Variants in PRKCZ observed in about 807,000 individuals in gnomAD.
PRKCZ encodes protein kinase C zeta, also known as protein kinase C zeta type.
A neutral mutation model predicts 79.5 loss-of-function variants in PRKCZ; 33 were observed. The ratio of observed to expected loss-of-function variants is 0.41; its 90% CI spans 0.31 to 0.55. The LOEUF is 0.55. Ranked by LOEUF, PRKCZ falls within the 20% of genes least tolerant of loss-of-function variation. The pLI is 0.19. For missense variants in PRKCZ, 578 were observed against 813.5 expected (o/e 0.71, Z 3.52); for synonymous variants, 342 against 320.9 (o/e 1.07, Z -0.70).
chr1:2,057,554 A>G (rs969324077), intron 3 of PRKCZ, among the ~76,000 whole-genome samples: 7 of 152,238 alleles, frequency 4.6e-5, no homozygotes, highest in South Asian at 2.1e-4. Context: ...TTCGCCCTTT[A>G]TATCAATGAG....
rs1272180467 is a variant in PRKCZ at position 2,145,811 on chromosome 1, G to T, written c.553-216G>T. Among the ~76,000 whole-genome samples, 5 of 152,206 alleles carry T rather than the reference G, an allele frequency of 3.3e-5. 1 individual carries two copies. Among genetic ancestry groups the T allele is most frequent in the Non-Finnish European group, 7.3e-5 (5 of 68,034 alleles). ...CGCACCTGTAGTGCCCGCTGCTCTG[G>T]AAGCTGAGGCGGGAGGATTGCTCGA... On this transcript the variant is annotated intron_variant, in intron 6 of 17. Transcript: ENST00000378567.
chr1:2,163,033 C>G (rs1222162855), intron 10 of PRKCZ, among the ~76,000 whole-genome samples: 1 of 152,208 alleles, frequency 6.6e-6, no homozygotes. Context: ...GGCAGCATCA[C>G]CCACCTCAGC....
At chr1:2,159,711 G>A (rs774431428) in intron 10 of PRKCZ, among the ~76,000 whole-genome samples, 1 of 152,216 alleles carries the variant, frequency 6.6e-6, no homozygotes, top group Non-Finnish European at 1.5e-5. Context: ...GTGTCCAGAT[G>A]GAGAGAAACA....
intron 4 of PRKCZ, among the ~76,000 whole-genome samples, chr1:2,106,417 C>T (rs895766888): frequency 2.6e-5 from 4 of 151,746 alleles, no homozygotes; most frequent in South Asian, 2.1e-4. Flanking sequence ...CTCTAGTGGG[C>T]GAGGACCTCC....
chr1:2,052,369 G>T (rs926022966), intron 1 of PRKCZ, among the ~76,000 whole-genome samples: 7 of 151,778 alleles, frequency 4.6e-5, no homozygotes, highest in African/African-American at 1.5e-4. Flanking sequence ...GAGAGACCAG[G>T]CTCCCACCCC....
chr1:2,130,455 T>C (rs766884207), intron 4 of PRKCZ, among the ~76,000 whole-genome samples: 15 of 152,158 alleles, frequency 9.9e-5, no homozygotes, highest in Non-Finnish European at 1.8e-4. Flanking sequence ...ATGGGAAACA[T>C]GATGCCTGCC....
rs989807068 is a variant in PRKCZ, at chr1:2,105,908, G to A, written c.335-29354G>A. On this transcript the variant is annotated intron_variant, in intron 4 of 17. Transcript: ENST00000378567. Reference sequence around the variant, plus strand: ...TCAGGTGGGAGGGGCTGCCCACCAGGCCTGGATGAGGCCCCACCCCCCCAC... The same window carrying A: ...TCAGGTGGGAGGGGCTGCCCACCAGACCTGGATGAGGCCCCACCCCCCCAC... Among the ~76,000 whole-genome samples, 6 of 152,290 alleles carry A rather than the reference G, an allele frequency of 3.9e-5. No homozygotes were observed. In the East Asian group the frequency reaches 1.2e-3, roughly 30 times the overall value.
chr1:2,144,411 C>A, intron 6 of PRKCZ, 70 bp downstream of exon 6: 1 of 1,529,714 alleles, frequency 6.5e-7, no homozygotes, highest in South Asian at 1.2e-5. Flanking sequence ...GCCCATTGTC[C>A]AAGCAGACCT....
At chr1:2,052,409 C>G (rs1014496486) in intron 1 of PRKCZ, among the ~76,000 whole-genome samples, 4 of 149,448 alleles carry the variant, frequency 2.7e-5, no homozygotes, top group African/African-American at 9.8e-5. Flanking sequence ...CGGACTCTCT[C>G]CCCTCTCTCC....
intron 4 of PRKCZ, among the ~76,000 whole-genome samples, chr1:2,076,060 C>T (rs1303217572): frequency 6.6e-6 from 1 of 152,210 alleles, no homozygotes; most frequent in African/African-American, 2.4e-5. Flanking sequence ...GAGCTTTTCC[C>T]AGGAGCTGGG....
At chr1:2,119,936 G>A (rs1181703784) in intron 4 of PRKCZ, among the ~76,000 whole-genome samples, 5 of 151,894 alleles carry the variant, frequency 3.3e-5, no homozygotes, top group Admixed American at 6.6e-5. Context: ...GCAGGTGTGC[G>A]CCACCACGCC....
intron 10 of PRKCZ, among the ~76,000 whole-genome samples, chr1:2,158,646 G>A (rs924274467): frequency 1.3e-5 from 2 of 152,218 alleles, no homozygotes; most frequent in East Asian, 1.9e-4. Context: ...GTTTTGTTTT[G>A]CTTTGGTTCT....
At chr1:2,060,796 A>G (rs1045219057) in intron 4 of PRKCZ, among the ~76,000 whole-genome samples, 2 of 152,170 alleles carry the variant, frequency 1.3e-5, no homozygotes, top group Non-Finnish European at 2.9e-5. Flanking sequence ...TTGGCAGCGC[A>G]GGGCGAGTGT....
intron 5 of PRKCZ, among the ~76,000 whole-genome samples, chr1:2,140,367 A>T (rs1419396790): frequency 2.0e-5 from 3 of 152,156 alleles, no homozygotes; most frequent in African/African-American, 7.2e-5. Context: ...AAATATGAGC[A>T]GGAGGCCGGG....
intron 10 of PRKCZ, among the ~76,000 whole-genome samples, chr1:2,159,578 A>T (rs1681814917): frequency 6.6e-6 from 1 of 152,236 alleles, no homozygotes. Flanking sequence ...GTGGGGAAGA[A>T]TCAGAATTGC....
chr1:2,160,906 G>A (rs1191141306), intron 10 of PRKCZ, among the ~76,000 whole-genome samples: 1 of 152,102 alleles, frequency 6.6e-6, no homozygotes, highest in Non-Finnish European at 1.5e-5. Flanking sequence ...AGGGTGTGAC[G>A]GGGTCTGACC....
At chr1:2,092,824 C>G (rs1665752494) in intron 4 of PRKCZ, among the ~76,000 whole-genome samples, 1 of 152,148 alleles carries the variant, frequency 6.6e-6, no homozygotes. Context: ...GCCAGGTGGA[C>G]CCCTGCAGGG....
chr1:2,056,144 C>G (rs887659361), intron 2 of PRKCZ, among the ~76,000 whole-genome samples: 1 of 152,228 alleles, frequency 6.6e-6, no homozygotes, highest in African/African-American at 2.4e-5. Context: ...CTCCATGTCC[C>G]TTTCCAGCCA....
At chr1:2,135,488 C>T (rs1676003776) in intron 5 of PRKCZ, 141 bp downstream of exon 5, 2 of 762,018 alleles carry the variant, frequency 2.6e-6, no homozygotes, top group African/African-American at 1.8e-5. Context: ...GAAATGCTTT[C>T]TCTGGTGCAG....
Sources: allele counts gnomAD v4.1 joint callset (sites outside exome capture counted in the v4.1 genomes callset), GRCh38; gene constraint gnomAD v4.1.1; transcripts MANE v1.5; gene names NCBI Gene and HGNC (gene_info 2026-07-23, HGNC 2026-07-21).